The following BZW2 variants were observed in gnomAD, a reference collection of about 807,000 sequenced individuals.
BZW2 encodes the protein basic leucine zipper and W2 domains 2, also known as eIF5-mimic protein 1.
A neutral mutation model predicts 53.2 loss-of-function variants in BZW2; 23 were observed. The observed-to-expected ratio is 0.43, with a 90% CI of 0.31 to 0.61. The LOEUF is 0.61. BZW2 is among the 20% of genes least tolerant of loss of function. BZW2 has a pLI of 0.09. For missense variants in BZW2, 409 were observed against 503.1 expected (o/e 0.81, Z 1.79); for synonymous variants, 227 against 186.4 (o/e 1.22, Z -1.77).
intron 1 of BZW2, among the ~76,000 whole-genome samples, chr7:16,653,229 C>T (rs1436241212): frequency 6.6e-6 from 1 of 152,174 alleles, no homozygotes; most frequent in Non-Finnish European, 1.5e-5. Flanking sequence ...AGCAATTGCT[C>T]CAAAACAGAA....
chr7:16,650,984 A>G (rs1465935416), intron 1 of BZW2, among the ~76,000 whole-genome samples: 1 of 152,224 alleles, frequency 6.6e-6, no homozygotes, highest in African/African-American at 2.4e-5. Context: ...TTCTTTCTTG[A>G]TTTTTAGCAA....
chr7:16,663,477 T>A (rs697514), intron 1 of BZW2, among the ~76,000 whole-genome samples: 86,823 of 151,270 alleles, frequency 0.57, 25,363 homozygotes, highest in African/African-American at 0.69. Context: ...TCTTCTAAAA[T>A]AATGATTAAC....
intron 7 of BZW2, among the ~76,000 whole-genome samples, chr7:16,691,476 A>G (rs542926504): frequency 2.0e-5 from 3 of 152,288 alleles, no homozygotes; most frequent in East Asian, 3.9e-4. Flanking sequence ...ATGCCTTTTC[A>G]TTCGGGCACA....
At chr7:16,689,515 T>C (rs1206146924) in intron 6 of BZW2, among the ~76,000 whole-genome samples, 1 of 152,228 alleles carries the variant, frequency 6.6e-6, no homozygotes, top group Non-Finnish European at 1.5e-5. Context: ...GTGTGAAATA[T>C]GTTTTTGACC....
intron 6 of BZW2, chr7:16,687,208 AG>A (rs1459845186): frequency 3.3e-5 from 5 of 152,204 alleles, no homozygotes; most frequent in Admixed American, 3.3e-4. Flanking sequence ...TATTAGTTAT[AG>A]AAACTAGATG....
intron 1 of BZW2, 117 bp from the exon 2 acceptor site, chr7:16,665,318 AAG>A: frequency 1.6e-6 from 2 of 1,224,548 alleles, no homozygotes; most frequent in Admixed American, 2.0e-5. Context: ...GAAAAAAAAA[AAG>A]AGGCATATTC....
intron 6 of BZW2, chr7:16,686,821 T>A (rs1453225305): frequency 6.6e-6 from 1 of 152,220 alleles, no homozygotes. Context: ...GAAAGAATAG[T>A]AAATTGAGAG....
chr7:16,656,815 A>AT (rs1199245015), intron 1 of BZW2, among the ~76,000 whole-genome samples: 1 of 152,224 alleles, frequency 6.6e-6, no homozygotes, highest in African/African-American at 2.4e-5. Context: ...ATGGGTTTGT[A>AT]TTTTTTTGAA....
At chr7:16,677,701 C>CT (rs1359766954) in intron 3 of BZW2, among the ~76,000 whole-genome samples, 18 of 152,230 alleles carry the variant, frequency 1.2e-4, no homozygotes, top group Admixed American at 3.9e-4. Flanking sequence ...AATGTATGGC[C>CT]TGCAGTGCAG....
intron 5 of BZW2, among the ~76,000 whole-genome samples, chr7:16,684,201 T>A (rs1343609225): frequency 6.6e-6 from 1 of 152,180 alleles, no homozygotes; most frequent in Non-Finnish European, 1.5e-5. Flanking sequence ...ACAAATTAAG[T>A]GGAAATGCGA....
rs147963684 is a variant in BZW2, at chr7:16,680,455, A to G, written c.236-846A>G. Among the ~76,000 whole-genome samples, 835 of 152,292 alleles carry G rather than the reference A, an allele frequency of 5.5e-3. 6 individuals carry two copies. Among genetic ancestry groups the G allele is most frequent in the African/African-American group, 0.019 (783 of 41,550 alleles). ...AGGCAAGGATGTGGAACAAAAATGA[A>G]GTACACTATGGTGGGAGTATGAATG... is the stretch of plus-strand genomic sequence containing the variant. On this transcript the variant is annotated intron_variant, in intron 3 of 11. Transcript: ENST00000258761.
intron 3 of BZW2, among the ~76,000 whole-genome samples, chr7:16,676,704 C>T (rs1297690475): frequency 4.6e-5 from 7 of 152,060 alleles, no homozygotes. Context: ...TTATTGACTT[C>T]TAGTATTTCG....
chr7:16,665,229 C>T (rs905268219), intron 1 of BZW2, among the ~76,000 whole-genome samples: 6 of 151,768 alleles, frequency 4.0e-5, no homozygotes, highest in African/African-American at 1.5e-4. Flanking sequence ...TCACTTGAAC[C>T]CGGGATGCAG....
At chr7:16,654,030 TGAGGCC>T (rs1782054477) in intron 1 of BZW2, among the ~76,000 whole-genome samples, 1 of 137,976 alleles carries the variant, frequency 7.2e-6, no homozygotes. Context: ...GCAGATCACT[TGAGGCC>T]AGGAGTTCGA....
chr7:16,690,588 C>G (rs1468352232), intron 7 of BZW2, among the ~76,000 whole-genome samples: 1 of 152,148 alleles, frequency 6.6e-6, no homozygotes, highest in Non-Finnish European at 1.5e-5. Flanking sequence ...CTTGTGATGT[C>G]TGTCTTGAGT....
At chr7:16,652,628 G>A (rs1782014846) in intron 1 of BZW2, among the ~76,000 whole-genome samples, 1 of 152,164 alleles carries the variant, frequency 6.6e-6, no homozygotes, top group Non-Finnish European at 1.5e-5. Context: ...GGGTTCAAGT[G>A]ATTCTCCTGC....
chr7:16,686,248 A>C, intron 6 of BZW2: 1 of 659,938 alleles, frequency 1.5e-6, no homozygotes, highest in Non-Finnish European at 2.5e-6. Flanking sequence ...AAAAATATGC[A>C]CACCTGTACA....
intron 1 of BZW2, among the ~76,000 whole-genome samples, chr7:16,651,059 A>T (rs1461785652): frequency 1.3e-5 from 2 of 152,222 alleles, no homozygotes; most frequent in African/African-American, 2.4e-5. Context: ...ATAATGACAA[A>T]AAGAAAGAAT....
intron 1 of BZW2, among the ~76,000 whole-genome samples, chr7:16,654,770 C>T (rs1207792114): frequency 6.6e-6 from 1 of 151,542 alleles, no homozygotes; most frequent in Non-Finnish European, 1.5e-5. Flanking sequence ...AACTCCTGAC[C>T]TCAGGTGATC....
Sources: allele counts gnomAD v4.1 joint callset (sites outside exome capture counted in the v4.1 genomes callset), GRCh38; gene constraint gnomAD v4.1.1; transcripts MANE v1.5; gene names NCBI Gene and HGNC (gene_info 2026-07-23, HGNC 2026-07-21).